PCDHA5: variants seen among roughly 807,000 people sequenced by gnomAD.
PCDHA5 encodes protocadherin alpha 5, also known as protocadherin alpha-5.
A neutral mutation model predicts 61.6 loss-of-function variants in PCDHA5; 43 were observed. The ratio of observed to expected loss-of-function variants is 0.70; its 90% CI spans 0.55 to 0.90. The LOEUF is 0.90. Among genes scored for constraint, PCDHA5 ranks in the 40% least tolerant of loss-of-function variants. The pLI, the probability that PCDHA5 is intolerant of heterozygous loss-of-function variation, is 0.00. For synonymous variants in PCDHA5, 627 were observed against 543.9 expected, an observed-to-expected ratio of 1.15 and a Z score of -2.13; for missense variants, 1,298 against 1,222.7, an observed-to-expected ratio of 1.06 and a Z score of -0.92.
chr5:140,873,225 A>G (rs1476513279), intron 1 of PCDHA5, among the ~76,000 whole-genome samples: 2 of 152,224 alleles, frequency 1.3e-5, no homozygotes, highest in African/African-American at 2.4e-5. Context: ...AGAGAAGGCA[A>G]CAATATAAAA....
At chr5:140,879,854 C>G (rs2058149387) in intron 1 of PCDHA5, among the ~76,000 whole-genome samples, 1 of 152,200 alleles carries the variant, frequency 6.6e-6, no homozygotes, top group African/African-American at 2.4e-5. Context: ...CCCATCTCAG[C>G]CTTCTCAGCT....
intron 1 of PCDHA5, among the ~76,000 whole-genome samples, chr5:140,874,104 A>G (rs251376): frequency 0.45 from 68,940 of 152,128 alleles, 15,928 homozygotes; most frequent in South Asian, 0.58. Context: ...GTTTTTAATT[A>G]CTTAACGTTT....
At chr5:140,969,347 G>C (rs1554231707) in intron 1 of PCDHA5, 1 of 1,613,472 alleles carries the variant, frequency 6.2e-7, no homozygotes, top group South Asian at 1.1e-5. Context: ...ACAGTGGTCA[G>C]GGGGTCTTCT....
chr5:140,882,104 A>C, intron 1 of PCDHA5: 2 of 1,343,832 alleles, frequency 1.5e-6, no homozygotes. Context: ...CGTTTCCGCG[A>C]AGAAAGCCGC....
chr5:140,917,260 G>A (rs2077984179), intron 1 of PCDHA5, among the ~76,000 whole-genome samples: 2 of 143,736 alleles, frequency 1.4e-5, no homozygotes, highest in South Asian at 4.4e-4. Flanking sequence ...CTCACCTGAT[G>A]TTTGGTTTTT....
chr5:140,882,853 A>G lies in PCDHA5; in HGVS notation c.2352+58726A>G, dbSNP rs782160647. On this transcript the variant is annotated intron_variant, in intron 1 of 3. Transcript: ENST00000529859. ...AGCAAATGTCTTCATTATCACTTGTACTGAGGAAAACACTGGACAGAGAGG... is the reference window on the plus strand; with the variant it reads ...AGCAAATGTCTTCATTATCACTTGTGCTGAGGAAAACACTGGACAGAGAGG... 1.9e-6 allele frequency: 3 copies of G among 1,614,218 alleles called. No individual in the cohort carries two copies. The Admixed American group carries it at 5.0e-5, about 27-fold the overall frequency.
intron 1 of PCDHA5, among the ~76,000 whole-genome samples, chr5:140,902,664 A>G (rs2069638514): frequency 6.6e-6 from 1 of 152,128 alleles, no homozygotes. Context: ...CTGTCACCCA[A>G]GCAGTGTACA....
chr5:140,837,669 T>C (rs1554136589), intron 1 of PCDHA5, among the ~76,000 whole-genome samples: 1 of 151,640 alleles, frequency 6.6e-6, no homozygotes, highest in African/African-American at 2.4e-5. Context: ...CTTTCATTCT[T>C]TTTCTTTTTT....
intron 1 of PCDHA5, chr5:140,869,028 G>C: frequency 1.3e-6 from 2 of 1,526,584 alleles, no homozygotes; most frequent in Non-Finnish European, 1.8e-6. Flanking sequence ...AATTCAACGA[G>C]ATTTTTAACC....
At chr5:140,906,059 G>A (rs1583580035) in intron 1 of PCDHA5, among the ~76,000 whole-genome samples, 1 of 152,158 alleles carries the variant, frequency 6.6e-6, no homozygotes, top group South Asian at 2.1e-4. Flanking sequence ...TGCACTGGCA[G>A]CTGATTAGAT....
intron 1 of PCDHA5, among the ~76,000 whole-genome samples, chr5:140,913,425 G>A (rs919355007): frequency 1.1e-4 from 16 of 152,094 alleles, no homozygotes; most frequent in African/African-American, 1.2e-4. Context: ...AGTATCAGTT[G>A]TAATGCCTCC....
At chr5:140,904,154 C>T (rs1163595423) in intron 1 of PCDHA5, among the ~76,000 whole-genome samples, 1 of 152,060 alleles carries the variant, frequency 6.6e-6, no homozygotes, top group Non-Finnish European at 1.5e-5. Flanking sequence ...ACATTGCACC[C>T]AGTTTGTAGT....
chr5:140,827,891 A>C, intron 1 of PCDHA5: 1 of 712,378 alleles, frequency 1.4e-6, no homozygotes, highest in South Asian at 1.9e-5. Flanking sequence ...TTGATTTCTT[A>C]CCTTTTGGAG....
intron 1 of PCDHA5, among the ~76,000 whole-genome samples, chr5:140,904,015 AT>A (rs1171166257): frequency 6.6e-6 from 1 of 152,234 alleles, no homozygotes; most frequent in Non-Finnish European, 1.5e-5. Flanking sequence ...ACTTTAAAAA[AT>A]AATGGTATAA....
In PCDHA5 at chr5:141,000,418, TATA is replaced by T. The variant is rs1442097844; in HGVS notation, c.2501-9208_2501-9206del. 6.0e-3 allele frequency among the ~76,000 whole-genome samples: 500 copies of T among 83,616 alleles called. 3 individuals are homozygous for T. The highest frequency in any genetic ancestry group is 7.2e-3 in the African/African-American group (142 of 19,618). 54.9% of individuals were successfully genotyped at this position (83,616 alleles called of 152,430 possible). A position where few individuals can be genotyped will look rare whatever the true frequency, so the allele number is the denominator to read the frequency against. ...CTCTATATATATATATATATATATA[TATA>T]TTTTTTTTTTTTTTTTTTTTTTTGA... On this transcript the variant is annotated intron_variant, in intron 3 of 3. Coordinates refer to ENST00000529859, the MANE Select transcript of PCDHA5 (RefSeq NM_018908.3).
At chr5:140,966,697 G>T (rs2096039921) in intron 1 of PCDHA5, 1 of 1,363,184 alleles carries the variant, frequency 7.3e-7, no homozygotes, top group Admixed American at 3.6e-5. Context: ...GCGGGGCCCG[G>T]GCGTGGGGCA....
chr5:140,870,286 A>C, intron 1 of PCDHA5: 1 of 1,614,124 alleles, frequency 6.2e-7, no homozygotes, highest in Non-Finnish European at 8.5e-7. Context: ...CGTTCCCTTC[A>C]AGCTGGTGTC....
In PCDHA5 at chr5:140,884,626, A is replaced by G. The variant is rs782131642; in HGVS notation, c.2352+60499A>G. 9 of 1,613,602 alleles carry G rather than the reference A, an allele frequency of 5.6e-6. No individual in the cohort carries two copies. In the Admixed American group the frequency reaches 1.5e-4, roughly 27 times the overall value. ...CTTGTCTGGGTTCTGCAGAGGGAAC[A>G]GGCCAGAGGGAGGAGGACTCAGAAT... On this transcript the variant is annotated intron_variant, in intron 1 of 3. Transcript: ENST00000529859.
intron 1 of PCDHA5, among the ~76,000 whole-genome samples, chr5:140,893,672 T>G (rs1554185735): frequency 6.6e-6 from 1 of 152,216 alleles, no homozygotes; most frequent in African/African-American, 2.4e-5. Flanking sequence ...ATTTCAGCAC[T>G]TTGGATATAT....
Sources: allele counts gnomAD v4.1 joint callset (sites outside exome capture counted in the v4.1 genomes callset), GRCh38; gene constraint gnomAD v4.1.1; transcripts MANE v1.5; gene names NCBI Gene and HGNC (gene_info 2026-07-23, HGNC 2026-07-21).